KIF21A: variants seen among roughly 807,000 people sequenced by gnomAD.
KIF21A encodes kinesin family member 21A, also known as kinesin-like protein KIF21A.
KIF21A carries 114 observed loss-of-function variants against 202.9 expected under a neutral mutation model. The observed-to-expected ratio is 0.56, with a 90% confidence interval of 0.48 to 0.66. The LOEUF (loss-of-function observed/expected upper bound fraction) is 0.66. Ranked by LOEUF, KIF21A falls within the 30% of genes least tolerant of loss-of-function variation. The pLI is 0.00. For synonymous variants in KIF21A, 667 were observed against 670.8 expected, an observed-to-expected ratio of 0.99 and a Z score of 0.09; for missense variants, 1,677 against 1,994.9, an observed-to-expected ratio of 0.84 and a Z score of 3.04.
intron 31 of KIF21A, among the ~76,000 whole-genome samples, chr12:39,314,801 T>G (rs775166415): frequency 1.3e-5 from 2 of 151,904 alleles, no homozygotes; most frequent in Admixed American, 1.3e-4. Context: ...CAGTAACTTA[T>G]GTATGGCACA....
chr12:39,330,552 A>G (rs1292261225), intron 23 of KIF21A, among the ~76,000 whole-genome samples, 194 bp downstream of exon 23: 3 of 152,220 alleles, frequency 2.0e-5, no homozygotes, highest in Non-Finnish European at 4.4e-5. Flanking sequence ...TTAAGTTGGT[A>G]ACCATTTCTT....
intron 12 of KIF21A, among the ~76,000 whole-genome samples, chr12:39,345,533 A>G (rs1947822683): frequency 1.3e-5 from 2 of 151,780 alleles, no homozygotes; most frequent in African/African-American, 4.8e-5. Context: ...TAATTTAAAG[A>G]AAAACATTTT....
intron 27 of KIF21A, 66 bp downstream of exon 27, chr12:39,322,602 G>A: frequency 2.6e-6 from 3 of 1,155,066 alleles, no homozygotes; most frequent in Non-Finnish European, 3.8e-6. Context: ...TAAGAAATTA[G>A]CAACATGCAT....
chr12:39,331,402 C>A (rs113965869), intron 22 of KIF21A, among the ~76,000 whole-genome samples: 1 of 152,102 alleles, frequency 6.6e-6, no homozygotes, highest in Non-Finnish European at 1.5e-5. Context: ...TGTTTGCATG[C>A]TGAGAAATTT....
chr12:39,440,976 C>T (rs1174414993), intron 1 of KIF21A, among the ~76,000 whole-genome samples: 2 of 150,962 alleles, frequency 1.3e-5, no homozygotes, highest in East Asian at 2.0e-4. Context: ...GATGGCACCA[C>T]GACACTCTAG....
intron 8 of KIF21A, 35 bp from the exon 9 acceptor site, chr12:39,357,472 G>A (rs1436408091): frequency 1.9e-6 from 3 of 1,569,824 alleles, no homozygotes; most frequent in Admixed American, 3.3e-5. Context: ...GTTGGTTGAG[G>A]AGCCTTAAAA....
intron 5 of KIF21A, 78 bp from the exon 6 acceptor site, chr12:39,366,595 C>G (rs992271200): frequency 9.4e-7 from 1 of 1,061,700 alleles, no homozygotes; most frequent in African/African-American, 1.6e-5. Context: ...TGCGCTTATC[C>G]CATGTACACA....
rs757231211 is a variant in KIF21A, at chr12:39,309,781, T to A, written c.4097-15A>T. ...ACAAGTACGATCTAAAACAAACACA[T>A]AAAAAAAAGAAAACACCATTAATAT... On this transcript the variant is annotated splice_polypyrimidine_tract_variant and intron_variant, in intron 32 of 37. Coordinates refer to ENST00000361418, the MANE Select transcript of KIF21A (RefSeq NM_001173464.2). The A allele has an allele frequency of 6.2e-7, 1 of 1,606,942 alleles. No homozygotes were observed. The highest frequency in any genetic ancestry group is 8.5e-7 in the Non-Finnish European group (1 of 1,176,202).
intron 7 of KIF21A, among the ~76,000 whole-genome samples, chr12:39,361,044 G>A (rs981103950): frequency 5.9e-5 from 9 of 152,196 alleles, no homozygotes; most frequent in African/African-American, 2.2e-4. Flanking sequence ...CCTTTGAGGG[G>A]TTACCACCCA....
chr12:39,363,639 A>G (rs1949400102), intron 6 of KIF21A, among the ~76,000 whole-genome samples: 1 of 152,226 alleles, frequency 6.6e-6, no homozygotes, highest in Non-Finnish European at 1.5e-5. Context: ...ACGGGAAAAG[A>G]AAACCTTCTT....
chr12:39,308,659 A>T (rs1316239801), intron 33 of KIF21A, among the ~76,000 whole-genome samples: 2 of 152,134 alleles, frequency 1.3e-5, no homozygotes, highest in African/African-American at 2.4e-5. Context: ...AATTTTTTTT[A>T]AATTTTGAAA....
At chr12:39,317,836 T>G (rs779605257) in intron 29 of KIF21A, among the ~76,000 whole-genome samples, 8 of 152,186 alleles carry the variant, frequency 5.3e-5, no homozygotes, top group Admixed American at 6.5e-5. Context: ...GCAAGACAAG[T>G]GCTGAAGGCA....
intron 1 of KIF21A, among the ~76,000 whole-genome samples, chr12:39,409,848 T>TG (rs1270382183): frequency 1.3e-5 from 2 of 151,940 alleles, no homozygotes; most frequent in Non-Finnish European, 2.9e-5. Flanking sequence ...TTTTTTTTTT[T>TG]TTAGACAGAG....
intron 1 of KIF21A, among the ~76,000 whole-genome samples, chr12:39,386,567 C>T (rs552075288): frequency 1.6e-4 from 24 of 152,262 alleles, no homozygotes; most frequent in Admixed American, 1.1e-3. Context: ...GGAAGTTGAA[C>T]GGCAGGTGCT....
chr12:39,294,427 A>C lies in KIF21A; in HGVS notation c.5022T>G (p.Asn1674Lys). ...TGDLGEDIAS[N>K] is the part of the protein sequence containing the mutation. ...TACAACCTATCTTCATTCATGTTTAATTACTGGCAATATCTTCCCCCAGAT... is the reference window on the plus strand; with the variant it reads ...TACAACCTATCTTCATTCATGTTTACTTACTGGCAATATCTTCCCCCAGAT... The change falls in exon 38 of 38, where the codon AAT (asparagine) becomes AAG (lysine). Residue 1674 changes from asparagine (N) to lysine (K), a missense_variant. By Grantham distance (94) the Asn-to-Lys change is moderately conservative. Coordinates refer to ENST00000361418, the MANE Select transcript of KIF21A (RefSeq NM_001173464.2). 3 of 1,607,220 alleles carry C rather than the reference A, an allele frequency of 1.9e-6. No homozygotes were observed. Among genetic ancestry groups the C allele is most frequent in the Non-Finnish European group, 1.7e-6 (2 of 1,173,796 alleles).
chr12:39,393,415 C>G (rs556258564), intron 1 of KIF21A, among the ~76,000 whole-genome samples: 1 of 152,284 alleles, frequency 6.6e-6, no homozygotes, highest in Admixed American at 6.5e-5. Flanking sequence ...AAATTATTTC[C>G]CTTTCCTCCC....
chr12:39,298,095 C>G (rs1251397244), intron 37 of KIF21A, among the ~76,000 whole-genome samples: 1 of 151,958 alleles, frequency 6.6e-6, no homozygotes, highest in Non-Finnish European at 1.5e-5. Context: ...TTTTCAGACA[C>G]TAGGCAAAAG....
chr12:39,367,815 T>C (rs1949699746), intron 4 of KIF21A, 68 bp downstream of exon 4: 2 of 1,222,326 alleles, frequency 1.6e-6, no homozygotes, highest in Non-Finnish European at 2.4e-6. Context: ...CTTAAGCAGA[T>C]TATCAGCAAA....
In KIF21A at chr12:39,357,256, G is replaced by T. The variant is rs778178203; in HGVS notation, c.1397C>A (p.Ala466Asp). ...LVSDQANHVL[A>D]RAGEGNEEIS... ...CCACCCTACCCACATACCTGCTCTG[G>T]CAAGAACATGGTTGGCCTGATCACT... Residue 466 changes from alanine to aspartate, a missense_variant, in exon 9 of 38, where the codon GCC becomes GAC. By Grantham distance (126) the Ala-to-Asp change is moderately radical. Coordinates refer to ENST00000361418, the MANE Select transcript of KIF21A (RefSeq NM_001173464.2). The T allele has an allele frequency of 6.2e-7, 1 of 1,613,802 alleles. No homozygotes were observed. The highest frequency in any genetic ancestry group is 2.2e-5 in the East Asian group (1 of 44,880).
Sources: gnomAD v4.1 joint callset for allele counts (sites outside exome capture counted in the v4.1 genomes callset) on GRCh38, gnomAD v4.1.1 for gene constraint, MANE v1.5 for transcripts, NCBI Gene and HGNC (gene_info 2026-07-23, HGNC 2026-07-21) for gene names.